The following SAMD4B variants were observed in gnomAD, a reference collection of about 807,000 sequenced individuals.
SAMD4B encodes the protein sterile alpha motif domain containing 4B.
A neutral mutation model predicts 74.5 loss-of-function variants in SAMD4B; 5 were observed. That is an observed-to-expected ratio of 0.07 (90% CI 0.04 to 0.14). The LOEUF is 0.14. Ranked by LOEUF, SAMD4B falls within the 10% of genes least tolerant of loss-of-function variation. The pLI, the probability that SAMD4B is intolerant of heterozygous loss-of-function variation, is 1.00. For synonymous variants in SAMD4B, 373 were observed against 374.9 expected (o/e 1.00, Z 0.06); for missense variants, 608 against 921.8 (o/e 0.66, Z 4.41).
downstream of SAMD4B, chr19:39,389,293 C>T (rs1287486218): frequency 3.7e-6 from 6 of 1,613,838 alleles, no homozygotes; most frequent in Non-Finnish European, 5.1e-6. The surrounding 1 kb of genome is among the most constrained non-coding windows in gnomAD (Gnocchi z 5.3). Flanking sequence ...TGACCTCAGG[C>T]TTCTCATTGG....
downstream of SAMD4B, chr19:39,390,056 T>G: frequency 6.2e-7 from 1 of 1,603,196 alleles, no homozygotes; most frequent in Non-Finnish European, 8.5e-7. Context: ...GTTTTCCCAT[T>G]CCTTAGTCTC....
intron 3 of SAMD4B, among the ~76,000 whole-genome samples, chr19:39,358,393 T>G (rs186225738): frequency 5.9e-5 from 9 of 152,296 alleles, no homozygotes; most frequent in African/African-American, 2.2e-4. Context: ...TGCCTCACTT[T>G]CCTGCGCGCC....
Position 39,380,100 on chromosome 19 carries a change from G to C in SAMD4B, c.1649+16G>C. 1.2e-6 allele frequency: 2 copies of C among 1,601,520 alleles called. No individual in the cohort carries two copies. Among genetic ancestry groups the C allele is most frequent in the Non-Finnish European group, 1.7e-6 (2 of 1,169,876 alleles). On this transcript the variant is annotated intron_variant, in intron 10 of 13. Transcript: ENST00000610417. ...AGCAGAAAGGGTAGGCGGGTGGCCA[G>C]GTTACAGGGACCTGCCCTCCATAGG...
chr19:39,354,741 A>G (rs754564063), intron 2 of SAMD4B, among the ~76,000 whole-genome samples: 2 of 152,240 alleles, frequency 1.3e-5, no homozygotes, highest in Admixed American at 1.3e-4. Context: ...GACCTGAATG[A>G]CAGGAGCCAG....
chr19:39,385,303 G>A lies in SAMD4B; in HGVS notation c.*1776G>A, dbSNP rs1048416885. 11 of 378,920 alleles carry A rather than the reference G, an allele frequency of 2.9e-5. No homozygotes were observed. Among genetic ancestry groups the A allele is most frequent in the Middle Eastern group, 6.7e-4 (1 of 1,486 alleles). The allele number at this position is 378,920 out of a possible 1,614,324, so 23.5% of individuals were successfully genotyped here. On this transcript the variant is annotated 3_prime_UTR_variant, in exon 14 of 14. Coordinates refer to ENST00000610417, the MANE Select transcript of SAMD4B (RefSeq NM_001384574.2). Reference sequence around the variant, plus strand: ...GAATCAGCAGGGTGTCCCTCTCATGGGACCCTCCCCTCTCCCCAGCCTGTC... The same window carrying A: ...GAATCAGCAGGGTGTCCCTCTCATGAGACCCTCCCCTCTCCCCAGCCTGTC...
downstream of SAMD4B, among the ~76,000 whole-genome samples, chr19:39,388,096 ACAC>A (rs1384716754): frequency 6.6e-6 from 1 of 152,204 alleles, no homozygotes; most frequent in Admixed American, 6.5e-5. Context: ...GGCTGAGATC[ACAC>A]CACTGCACTC....
At chr19:39,372,285 C>T (rs1280134866) in intron 4 of SAMD4B, among the ~76,000 whole-genome samples, 1 of 152,154 alleles carries the variant, frequency 6.6e-6, no homozygotes, top group East Asian at 1.9e-4. Flanking sequence ...TACCGTGTGC[C>T]TATCCCTCTG....
At chr19:39,353,492 CT>C (rs920963511) in intron 1 of SAMD4B, among the ~76,000 whole-genome samples, 5 of 151,530 alleles carry the variant, frequency 3.3e-5, no homozygotes, top group African/African-American at 7.3e-5. Flanking sequence ...TTGTATGTGG[CT>C]TTTTTTTAAT....
downstream of SAMD4B, among the ~76,000 whole-genome samples, chr19:39,387,609 A>G (rs189771380): frequency 1.3e-4 from 20 of 152,264 alleles, no homozygotes; most frequent in Admixed American, 5.2e-4. Flanking sequence ...ACAGAAACTC[A>G]AGACTTCCCA....
At chr19:39,364,821 G>T (rs565361093) in intron 3 of SAMD4B, among the ~76,000 whole-genome samples, 22 of 152,130 alleles carry the variant, frequency 1.4e-4, no homozygotes, top group Admixed American at 1.4e-3. Context: ...CTTGGCAGTC[G>T]GTTCAAGTGA....
downstream of SAMD4B, chr19:39,386,426 G>A: frequency 6.2e-7 from 1 of 1,614,074 alleles, no homozygotes; most frequent in Non-Finnish European, 8.5e-7. This position sits in a 1 kb window ranked among gnomAD's most constrained non-coding sequence, Gnocchi z 6.1. Context: ...GGAGAGAGAT[G>A]AAACCCACTT....
chr19:39,379,388 C>T (rs142662941), intron 9 of SAMD4B, among the ~76,000 whole-genome samples: 2 of 152,288 alleles, frequency 1.3e-5, no homozygotes, highest in African/African-American at 4.8e-5. Context: ...TCAGGGACAC[C>T]TTTACCAACC....
At chr19:39,373,888 C>T (rs1408324178) in intron 4 of SAMD4B, among the ~76,000 whole-genome samples, 2 of 151,956 alleles carry the variant, frequency 1.3e-5, no homozygotes, top group Non-Finnish European at 2.9e-5. Flanking sequence ...TGCTTGAACC[C>T]GGGAGGCAGA....
downstream of SAMD4B, chr19:39,389,122 C>T: frequency 6.2e-7 from 1 of 1,614,178 alleles, no homozygotes; most frequent in African/African-American, 1.3e-5. This position sits in a 1 kb window ranked among gnomAD's most constrained non-coding sequence, Gnocchi z 5.3. Context: ...AAAGTCTTCT[C>T]AATGGCTGTG....
In SAMD4B at chr19:39,377,628, G is replaced by T. The variant is rs752787197; in HGVS notation, c.1248G>T (p.Gly416=). The T allele has an allele frequency of 4.3e-6, 7 of 1,613,958 alleles. No homozygotes were observed. The Admixed American group carries it at 1.2e-4, about 27-fold the overall frequency. ...CTACTGCCAAGGATGGGGCCCCGGG[G>T]GAACCACCGCTGCCAGGTGCTGAGC... ...TTPTAKDGAP[G]EPPLPGAEPP... The change falls in exon 8 of 14, where the codon GGG becomes GGT. Residue 416 remains glycine (G), a synonymous_variant. Transcript: ENST00000610417.
chr19:39,368,739 G>A (rs756229607), intron 3 of SAMD4B, among the ~76,000 whole-genome samples: 25 of 152,186 alleles, frequency 1.6e-4, no homozygotes, highest in Non-Finnish European at 2.9e-4. Flanking sequence ...TTATTATGTC[G>A]CCAAACCACT....
intron 1 of SAMD4B, chr19:39,351,511 T>G (rs531139155): frequency 6.6e-6 from 1 of 152,304 alleles, no homozygotes; most frequent in South Asian, 2.1e-4. Context: ...TGCATGGGAA[T>G]TGTCAAGGCT....
At chr19:39,381,375 C>G (rs900990247) in intron 12 of SAMD4B, 19 of 409,772 alleles carry the variant, frequency 4.6e-5, no homozygotes, top group African/African-American at 2.0e-4. Flanking sequence ...GTTTCCCACC[C>G]TATGTCATAA....
rs867660244 is a variant in SAMD4B at position 39,381,258 on chromosome 19, C to G, written c.1972+145C>G. On this transcript the variant is annotated intron_variant, in intron 12 of 13. Coordinates refer to ENST00000610417, the MANE Select transcript of SAMD4B (RefSeq NM_001384574.2). Reference sequence around the variant, plus strand: ...CACACCACTCTGCACCCATCTCCCCCAATTGTGGGGGGTTGTTTTCCTCCT... The same window carrying G: ...CACACCACTCTGCACCCATCTCCCCGAATTGTGGGGGGTTGTTTTCCTCCT... 21 of 979,074 alleles carry G rather than the reference C, an allele frequency of 2.1e-5. No individual in the cohort carries two copies. In the Middle Eastern group the frequency reaches 1.1e-3, roughly 51 times the overall value. The allele number at this position is 979,074 out of a possible 1,614,324, so 60.6% of individuals were successfully genotyped here.
Sources: allele counts gnomAD v4.1 joint callset (sites outside exome capture counted in the v4.1 genomes callset), GRCh38; gene constraint gnomAD v4.1.1; non-coding constraint Gnocchi (gnomAD v3.1); transcripts MANE v1.5; gene names NCBI Gene and HGNC (gene_info 2026-07-23, HGNC 2026-07-21).